PRELID2: variants seen among roughly 807,000 people sequenced by gnomAD.
PRELID2 encodes PRELI domain containing 2.
Under a neutral mutation model 28.4 loss-of-function variants are expected in PRELID2, and 25 were observed. The ratio of observed to expected loss-of-function variants is 0.88; its 90% CI spans 0.64 to 1.23. PRELID2 has a LOEUF of 1.23. Ranked by LOEUF, PRELID2 falls within the 50% of genes most tolerant of loss-of-function variation. The pLI, the probability that PRELID2 is intolerant of heterozygous loss-of-function variation, is 0.00. For synonymous variants in PRELID2, 76 were observed against 71.6 expected, an observed-to-expected ratio of 1.06 and a Z score of -0.31; for missense variants, 201 against 214.4, an observed-to-expected ratio of 0.94 and a Z score of 0.39.
At chr5:145,350,338 G>C in the PRELID2 span, among the ~76,000 whole-genome samples, 1 of 152,106 alleles carries the variant, frequency 6.6e-6, no homozygotes, top group African/African-American at 2.4e-5. Context: ...ATTTGGCCTG[G>C]GTCTTAAAGG....
the PRELID2 span, among the ~76,000 whole-genome samples, chr5:145,285,861 T>C: frequency 1.3e-5 from 2 of 152,144 alleles, no homozygotes; most frequent in Non-Finnish European, 2.9e-5. Context: ...TCTATGACAG[T>C]GTTAAGTAAA....
At chr5:145,328,795 C>T in the PRELID2 span, among the ~76,000 whole-genome samples, 1 of 152,048 alleles carries the variant, frequency 6.6e-6, no homozygotes, top group East Asian at 1.9e-4. Context: ...TCCCATTTGT[C>T]AATTTTAGCT....
chr5:145,555,848 C>T (rs533759653), intron 1 of PRELID2, among the ~76,000 whole-genome samples: 1 of 152,226 alleles, frequency 6.6e-6, no homozygotes, highest in African/African-American at 2.4e-5. Flanking sequence ...TTCCCCAAGG[C>T]CCTACTGCCA....
At chr5:145,401,106 C>A in the PRELID2 span, among the ~76,000 whole-genome samples, 1 of 152,200 alleles carries the variant, frequency 6.6e-6, no homozygotes, top group East Asian at 1.9e-4. Context: ...GCCGTTGTCA[C>A]GTGCTTGAAG....
At chr5:145,744,756 C>T (rs990823373) in intron 1 of PRELID2, among the ~76,000 whole-genome samples, 6 of 152,118 alleles carry the variant, frequency 3.9e-5, no homozygotes, top group African/African-American at 1.2e-4. Flanking sequence ...GATGAGAAAG[C>T]ATCAACAAAA....
chr5:145,654,464 A>T (rs1490256813), intron 1 of PRELID2, among the ~76,000 whole-genome samples: 1 of 152,218 alleles, frequency 6.6e-6, no homozygotes, highest in Non-Finnish European at 1.5e-5. Context: ...ATTTTAGACC[A>T]ATATCCCTGA....
chr5:145,670,377 C>G (rs1310004220), intron 1 of PRELID2, among the ~76,000 whole-genome samples: 1 of 152,068 alleles, frequency 6.6e-6, no homozygotes, highest in Admixed American at 6.6e-5. Context: ...GGGATCCATC[C>G]CCACGACACA....
At chr5:145,262,722 A>C in the PRELID2 span, among the ~76,000 whole-genome samples, 155 of 152,264 alleles carry the variant, frequency 1.0e-3, no homozygotes, top group African/African-American at 3.7e-3. Context: ...AATTACACCA[A>C]AATAAAATCT....
Position 145,757,750 on chromosome 5 carries a change from T to C in PRELID2, c.*2786A>G, listed in dbSNP as rs902494968. ...GCAGAGGCAGAGGCAGGAGGATCAT[T>C]TGAGGCCAGAAGTTCAAGACCAGCC... On this transcript the variant is annotated 3_prime_UTR_variant, in exon 7 of 7. Coordinates refer to ENST00000683046, the MANE Select transcript of PRELID2 (RefSeq NM_205846.3). Among the ~76,000 whole-genome samples the C allele has an allele frequency of 6.6e-6, 1 of 151,040 alleles. No individual in the cohort carries two copies. Among genetic ancestry groups the C allele is most frequent in the African/African-American group, 2.4e-5 (1 of 41,000 alleles).
At chr5:145,426,742 C>T in the PRELID2 span, among the ~76,000 whole-genome samples, 2,508 of 152,278 alleles carry the variant, frequency 0.016, 74 homozygotes, top group African/African-American at 0.057. Context: ...CATACAGCTA[C>T]TAAGCTGAGA....
chr5:145,829,194 C>T (rs940013430), intron 1 of PRELID2, among the ~76,000 whole-genome samples: 3 of 152,202 alleles, frequency 2.0e-5, no homozygotes, highest in South Asian at 4.1e-4. Context: ...AGCCACCATG[C>T]CTGGCCAATA....
chr5:145,720,552 T>C (rs1265507962), intron 1 of PRELID2, among the ~76,000 whole-genome samples: 1 of 152,026 alleles, frequency 6.6e-6, no homozygotes. Flanking sequence ...AAATAAAAAC[T>C]AGTTTTACAT....
At chr5:145,630,736 G>A (rs1753921499) in intron 1 of PRELID2, among the ~76,000 whole-genome samples, 1 of 152,138 alleles carries the variant, frequency 6.6e-6, no homozygotes, top group African/African-American at 2.4e-5. Flanking sequence ...GCATACCATT[G>A]GCTGCCTGAT....
rs140898595 is a variant in PRELID2, at chr5:145,488,291, G to T, written n.71-14976C>A. Among the ~76,000 whole-genome samples, 325 of 152,226 alleles carry T rather than the reference G, an allele frequency of 2.1e-3. 1 individual carries two copies. The highest frequency in any genetic ancestry group is 7.4e-3 in the African/African-American group (306 of 41,540). ...GAGAAGATCTGTCTGCAGTAGGAAA[G>T]AATTAAGATTATCAGATACATGCAA... On this transcript the variant is annotated intron_variant and non_coding_transcript_variant, in intron 1 of 2. Transcript: ENST00000510259.
At chr5:145,363,158 A>G in the PRELID2 span, among the ~76,000 whole-genome samples, 1 of 151,810 alleles carries the variant, frequency 6.6e-6, no homozygotes, top group African/African-American at 2.4e-5. Context: ...GGCTAGCTCA[A>G]CACAAACATA....
chr5:145,740,216 G>T (rs530979966), intron 1 of PRELID2, among the ~76,000 whole-genome samples: 1 of 125,020 alleles, frequency 8.0e-6, no homozygotes, highest in Non-Finnish European at 1.6e-5. Context: ...TTAGTGCAAA[G>T]AAAAGTACTA....
intron 1 of PRELID2, among the ~76,000 whole-genome samples, chr5:145,688,761 C>T (rs187610316): frequency 5.1e-4 from 77 of 152,228 alleles, no homozygotes; most frequent in Admixed American, 4.7e-3. Flanking sequence ...AACTTGCAAA[C>T]GATGCAACTA....
chr5:145,670,909 C>A (rs1169501513), intron 1 of PRELID2, among the ~76,000 whole-genome samples: 1 of 152,168 alleles, frequency 6.6e-6, no homozygotes, highest in African/African-American at 2.4e-5. Context: ...AAAGCCCAAG[C>A]CTTGCAACTT....
At chr5:145,574,441 A>G (rs1753043401) in intron 1 of PRELID2, among the ~76,000 whole-genome samples, 1 of 152,172 alleles carries the variant, frequency 6.6e-6, no homozygotes, top group Non-Finnish European at 1.5e-5. Context: ...TAGAAAACTA[A>G]TACACCCTCC....
Sources: gnomAD v4.1 joint callset for allele counts (sites outside exome capture counted in the v4.1 genomes callset) on GRCh38, gnomAD v4.1.1 for gene constraint, MANE v1.5 for transcripts, NCBI Gene and HGNC (gene_info 2026-07-23, HGNC 2026-07-21) for gene names.